The following TTC33 variants were observed in gnomAD, a reference collection of about 807,000 sequenced individuals.
The protein encoded by TTC33 is tetratricopeptide repeat domain 33.
A neutral mutation model predicts 29.4 loss-of-function variants in TTC33; 24 were observed. That is an observed-to-expected ratio of 0.82 (90% CI 0.59 to 1.15). TTC33 has a LOEUF of 1.15. Among genes scored for constraint, TTC33 ranks in the 50% most tolerant of loss-of-function variants. The pLI, the probability that TTC33 is intolerant of heterozygous loss-of-function variation, is 0.00. For missense variants in TTC33, 286 were observed against 310.4 expected (o/e 0.92, Z 0.59); for synonymous variants, 107 against 100.3 (o/e 1.07, Z -0.40).
chr5:40,716,168 A>G lies in TTC33; in HGVS notation c.766T>C (p.Ser256Pro). 1 of 1,607,912 alleles carries G rather than the reference A, an allele frequency of 6.2e-7. No individual in the cohort carries two copies. The highest frequency in any genetic ancestry group is 8.5e-7 in the Non-Finnish European group (1 of 1,175,850). Residue 256 changes from serine to proline, a missense_variant, in exon 5 of 5, where the codon TCT (serine) becomes CCT (proline). Physicochemically the swap from Ser to Pro is moderately conservative, Grantham distance 74 (BLOSUM62 -1). Transcript: ENST00000337702. The part of the protein sequence containing the change: ...KEDGATPPDG[S>P]VFIKAR Reference sequence around the variant, plus strand: ...CTTCATCGGGCTTTGATAAAAACAGAGCCATCTGGTGGTGTAGCACCATCC... The same window carrying G: ...CTTCATCGGGCTTTGATAAAAACAGGGCCATCTGGTGGTGTAGCACCATCC...
intron 2 of TTC33, among the ~76,000 whole-genome samples, chr5:40,733,283 C>T (rs1742476720): frequency 6.6e-6 from 1 of 152,054 alleles, no homozygotes; most frequent in South Asian, 2.1e-4. Flanking sequence ...TCTTTGGTCT[C>T]TAGAGCAAGG....
chr5:40,743,819 A>G (rs989276138), intron 2 of TTC33, among the ~76,000 whole-genome samples: 5 of 152,204 alleles, frequency 3.3e-5, no homozygotes, highest in Admixed American at 6.5e-5. Context: ...CAGTATATAC[A>G]TTACTCAAAA....
chr5:40,739,853 T>C (rs1392541965), intron 2 of TTC33, among the ~76,000 whole-genome samples: 1 of 152,232 alleles, frequency 6.6e-6, no homozygotes, highest in Non-Finnish European at 1.5e-5. Flanking sequence ...CAGCATTTTG[T>C]AGTTTTCATA....
At chr5:40,720,704 A>ACTAACTGAAAGGCT (rs1742110900) in intron 4 of TTC33, among the ~76,000 whole-genome samples, 1 of 152,106 alleles carries the variant, frequency 6.6e-6, no homozygotes, top group African/African-American at 2.4e-5. Flanking sequence ...AAATCCAGAA[A>ACTAACTGAAAGGCT]CTAACTGAAA....
chr5:40,752,393 G>A (rs542369071), intron 1 of TTC33, among the ~76,000 whole-genome samples: 1 of 152,346 alleles, frequency 6.6e-6, no homozygotes, highest in East Asian at 1.9e-4. Flanking sequence ...CTAGCTTTCA[G>A]CCTGTATTGG....
intron 2 of TTC33, among the ~76,000 whole-genome samples, chr5:40,731,044 G>A (rs75864180): frequency 0.02 from 2,982 of 152,220 alleles, 39 homozygotes; most frequent in East Asian, 0.063. Flanking sequence ...TAGGCATATT[G>A]TGGGTGATTT....
At chr5:40,722,557 G>A (rs190879058) in intron 4 of TTC33, among the ~76,000 whole-genome samples, 1 of 142,786 alleles carries the variant, frequency 7.0e-6, no homozygotes, top group East Asian at 2.1e-4. Context: ...GCCTGGCCGC[G>A]ACCCCGTCTG....
At chr5:40,751,177 G>A (rs1235510325) in intron 1 of TTC33, among the ~76,000 whole-genome samples, 1 of 152,324 alleles carries the variant, frequency 6.6e-6, no homozygotes, top group Non-Finnish European at 1.5e-5. Flanking sequence ...CTTACAAAAT[G>A]TATTTCTTCA....
At chr5:40,740,947 C>T (rs1294364431) in intron 2 of TTC33, among the ~76,000 whole-genome samples, 1 of 151,924 alleles carries the variant, frequency 6.6e-6, no homozygotes, top group Non-Finnish European at 1.5e-5. Context: ...TTTAATATAT[C>T]TTCCATTTCA....
rs554290124 is a variant in TTC33, at chr5:40,747,063, T to C, written c.-1-44A>G. ...ACAGCTTTAAAATTCTAACTTGATCTTTTTTTTTTTTTGAGATGGAGTCTC... is the reference window on the plus strand; with the variant it reads ...ACAGCTTTAAAATTCTAACTTGATCCTTTTTTTTTTTTGAGATGGAGTCTC... On this transcript the variant is annotated intron_variant, in intron 1 of 4. Coordinates refer to ENST00000337702, the MANE Select transcript of TTC33 (RefSeq NM_012382.3). The C allele has an allele frequency of 2.7e-3, 1,065 of 388,708 alleles. 3 individuals carry two copies. Among genetic ancestry groups the C allele is most frequent in the African/African-American group, 0.021 (967 of 45,716 alleles). The allele number at this position is 388,708 out of a possible 1,614,324, so 24.1% of individuals were successfully genotyped here.
intron 2 of TTC33, among the ~76,000 whole-genome samples, chr5:40,739,807 T>C (rs1369785440): frequency 6.6e-6 from 1 of 152,204 alleles, no homozygotes; most frequent in African/African-American, 2.4e-5. Context: ...GTATAGTGTA[T>C]ATTTATTGAT....
chr5:40,716,386 C>T lies in TTC33; in HGVS notation c.548G>A (p.Arg183Lys), dbSNP rs1579665873. The change falls in exon 5 of 5, where the codon AGG becomes AAG. Residue 183 changes from arginine to lysine, a missense_variant. Arg to Lys is a conservative substitution (Grantham distance 26, BLOSUM62 2). Coordinates refer to ENST00000337702, the MANE Select transcript of TTC33 (RefSeq NM_012382.3). ...AGCTGGTGCTTCACTTTTTTTAATC[C>T]TCTGTGCTACCTTCTGCTGCTCCTG... ...TLQEQQKVAQ[R>K]IKKSEAPAEV... 1 of 1,613,926 alleles carries T rather than the reference C, an allele frequency of 6.2e-7. No homozygotes were observed. The highest frequency in any genetic ancestry group is 1.3e-5 in the African/African-American group (1 of 74,990).
chr5:40,731,185 T>C (rs1561148138), intron 2 of TTC33, among the ~76,000 whole-genome samples: 1 of 152,194 alleles, frequency 6.6e-6, no homozygotes, highest in Non-Finnish European at 1.5e-5. Flanking sequence ...GTAGCAGTAA[T>C]AAATTCTGCA....
chr5:40,751,685 G>A (rs1213576969), intron 1 of TTC33, among the ~76,000 whole-genome samples: 10 of 152,114 alleles, frequency 6.6e-5, no homozygotes, highest in South Asian at 2.1e-4. Flanking sequence ...ATGGCCATGC[G>A]CAGTGGCTCA....
At chr5:40,718,249 C>CA (rs1561142436) in intron 4 of TTC33, among the ~76,000 whole-genome samples, 1 of 150,424 alleles carries the variant, frequency 6.6e-6, no homozygotes, top group African/African-American at 2.5e-5. Context: ...ACTAAAGATA[C>CA]AAAAAAAATT....
chr5:40,714,668 T>C lies in TTC33; in HGVS notation c.*1477A>G, dbSNP rs557733676. On this transcript the variant is annotated 3_prime_UTR_variant, in exon 5 of 5. Coordinates refer to ENST00000337702, the MANE Select transcript of TTC33 (RefSeq NM_012382.3). ...AACTAACCTCTCTAACCAGAGCTAA[T>C]TTTCTGATGATATAACTTAAGGAAA... The C allele has an allele frequency of 6.6e-6, 1 of 152,398 alleles. No individual in the cohort carries two copies. Among genetic ancestry groups the C allele is most frequent in the Admixed American group, 6.5e-5 (1 of 15,290 alleles). 9.4% of individuals were successfully genotyped at this position (152,398 alleles called of 1,614,324 possible). A position where few individuals can be genotyped will look rare whatever the true frequency, so the allele number is the denominator to read the frequency against.
rs1579663318 is a variant in TTC33 at position 40,712,683 on chromosome 5, A to G, written c.*3462T>C. Reference sequence around the variant, plus strand: ...TTCTCTGCAGTTATGACAAATCCACAAAAGGGAAAAAAGAGGCTAGCATGC... The same window carrying G: ...TTCTCTGCAGTTATGACAAATCCACGAAAGGGAAAAAAGAGGCTAGCATGC... On this transcript the variant is annotated 3_prime_UTR_variant, in exon 5 of 5. Transcript: ENST00000337702. 1.3e-5 allele frequency among the ~76,000 whole-genome samples: 2 copies of G among 152,286 alleles called. No individual in the cohort carries two copies. The highest frequency in any genetic ancestry group is 4.8e-5 in the African/African-American group (2 of 41,570).
At chr5:40,722,484 T>G (rs1015998535) in intron 4 of TTC33, among the ~76,000 whole-genome samples, 6 of 146,694 alleles carry the variant, frequency 4.1e-5, no homozygotes, top group Non-Finnish European at 8.9e-5. Flanking sequence ...TGGCGGCCCA[T>G]CGTCTGGGAT....
In TTC33 at chr5:40,712,487, A is replaced by T. The variant is rs1741916199; in HGVS notation, c.*3658T>A. On this transcript the variant is annotated 3_prime_UTR_variant, in exon 5 of 5. Transcript: ENST00000337702. ...CTGCTGAAAAAGGCTAGGTTAGAGG[A>T]TGTACTTTAAGTTTATGCCAACAAT... Among the ~76,000 whole-genome samples, 2 of 152,140 alleles carry T rather than the reference A, an allele frequency of 1.3e-5. No individual in the cohort carries two copies. The highest frequency in any genetic ancestry group is 2.9e-5 in the Non-Finnish European group (2 of 68,022).
Sources: allele counts gnomAD v4.1 joint callset (sites outside exome capture counted in the v4.1 genomes callset), GRCh38; gene constraint gnomAD v4.1.1; transcripts MANE v1.5; gene names NCBI Gene and HGNC (gene_info 2026-07-23, HGNC 2026-07-21).